The following TIPIN variants were observed in gnomAD, a reference collection of about 807,000 sequenced individuals.
The protein encoded by TIPIN is TIMELESS interacting protein, also known as TIMELESS-interacting protein.
A neutral mutation model predicts 35.6 loss-of-function variants in TIPIN; 29 were observed. The ratio of observed to expected loss-of-function variants is 0.82; its 90% CI spans 0.61 to 1.11. The LOEUF (loss-of-function observed/expected upper bound fraction) is 1.11. Ranked by LOEUF, TIPIN falls within the 50% of genes most tolerant of loss-of-function variation. The pLI is 0.00. For synonymous variants in TIPIN, 102 were observed against 121.5 expected (o/e 0.84, Z 1.06); for missense variants, 296 against 345.4 (o/e 0.86, Z 1.13).
intron 1 of TIPIN, among the ~76,000 whole-genome samples, chr15:66,365,307 A>G (rs2093249444): frequency 6.6e-6 from 1 of 151,748 alleles, no homozygotes; most frequent in Non-Finnish European, 1.5e-5. Flanking sequence ...TACATAATAC[A>G]TTCTAATACA....
chr15:66,352,197 A>G lies in TIPIN; in HGVS notation c.144T>C (p.Asn48=), dbSNP rs2093172887. The G allele has an allele frequency of 6.2e-7, 1 of 1,604,802 alleles. No homozygotes were observed. Among genetic ancestry groups the G allele is most frequent in the Non-Finnish European group, 8.5e-7 (1 of 1,176,596 alleles). Residue 48 remains asparagine (N), a synonymous_variant, in exon 3 of 8, where the codon AAT becomes AAC. Coordinates refer to ENST00000261881, the MANE Select transcript of TIPIN (RefSeq NM_017858.3). ...EGTEPDEESG[N]GAPVRVPPKR... ...TTGGAGGTACACGAACAGGTGCTCC[A>G]TTTCCTGACTCTGGTGAAACAAACC...
intron 1 of TIPIN, chr15:66,371,233 T>A (rs946534564): frequency 3.1e-6 from 3 of 983,100 alleles, no homozygotes; most frequent in Admixed American, 6.2e-5. Context: ...TGTAAGTGTA[T>A]CAAGCTTTCT....
In TIPIN at chr15:66,343,192, C is replaced by T. The variant is rs186913206; in HGVS notation, c.476-1836G>A. ...GTACAAGTGTTAGGTTAAAAAGATT[C>T]TACAAAATAACAAAATGCCTGTAGG... On this transcript the variant is annotated intron_variant, in intron 6 of 7. Coordinates refer to ENST00000261881, the MANE Select transcript of TIPIN (RefSeq NM_017858.3). 2.6e-5 allele frequency among the ~76,000 whole-genome samples: 4 copies of T among 152,138 alleles called. No individual in the cohort carries two copies. The East Asian group carries it at 7.7e-4, about 29-fold the overall frequency.
intron 1 of TIPIN, among the ~76,000 whole-genome samples, chr15:66,356,039 G>A (rs2093202251): frequency 6.6e-6 from 1 of 152,076 alleles, no homozygotes; most frequent in African/African-American, 2.4e-5. Context: ...TTATGAAATT[G>A]TCTGAACTTC....
At chr15:66,345,767 A>C (rs747045770) in intron 6 of TIPIN, among the ~76,000 whole-genome samples, 1 of 152,194 alleles carries the variant, frequency 6.6e-6, no homozygotes, top group Non-Finnish European at 1.5e-5. Context: ...GTATTTAATC[A>C]ACAAATAAAA....
chr15:66,362,504 T>C (rs1388746206), intron 1 of TIPIN, among the ~76,000 whole-genome samples: 1 of 151,824 alleles, frequency 6.6e-6, no homozygotes, highest in Non-Finnish European at 1.5e-5. Flanking sequence ...GCAGATCACT[T>C]GAGGTCTGGA....
At chr15:66,367,354 AC>A (rs2093260252) in intron 1 of TIPIN, among the ~76,000 whole-genome samples, 2 of 151,976 alleles carry the variant, frequency 1.3e-5, no homozygotes, top group African/African-American at 4.8e-5. Context: ...CAAACAACAG[AC>A]ACAAAAAGCA....
rs1243475957 is a variant in TIPIN at position 66,369,271 on chromosome 15, CA to C, written c.-8-16317del. Reference sequence around the variant, plus strand: ...AATTAAAGCAATCTGGCACATTGCACAGAAGAGATTCCTTGCTCCCTGGGAG... The same window carrying C: ...AATTAAAGCAATCTGGCACATTGCACGAAGAGATTCCTTGCTCCCTGGGAG... On this transcript the variant is annotated intron_variant, in intron 1 of 7. Coordinates refer to the TIPIN transcript ENST00000562124. Among the ~76,000 whole-genome samples the C allele has an allele frequency of 2.0e-5, 3 of 151,036 alleles. No homozygotes were observed. In the Admixed American group the frequency reaches 2.0e-4, roughly 10 times the overall value.
intron 6 of TIPIN, among the ~76,000 whole-genome samples, chr15:66,345,779 G>A (rs900614855): frequency 1.1e-4 from 17 of 151,756 alleles, no homozygotes; most frequent in Admixed American, 9.9e-4. Flanking sequence ...CAAATAAAAT[G>A]GTCAAAACAT....
intron 4 of TIPIN, among the ~76,000 whole-genome samples, chr15:66,350,934 G>A (rs1474438030): frequency 9.3e-6 from 1 of 107,514 alleles, no homozygotes; most frequent in Non-Finnish European, 1.8e-5. Context: ...GCAAGACTCC[G>A]TCTTAAAAAA....
At chr15:66,364,306 C>CA (rs2093244697) in intron 1 of TIPIN, among the ~76,000 whole-genome samples, 1 of 151,606 alleles carries the variant, frequency 6.6e-6, no homozygotes, top group African/African-American at 2.4e-5. Flanking sequence ...GCTGGGATTA[C>CA]AGATGGGCGC....
At chr15:66,339,131 C>CAAAAAAAAAAAAAAAAAAAA (rs35065958) in intron 7 of TIPIN, among the ~76,000 whole-genome samples, 1 of 20,582 alleles carries the variant, frequency 4.9e-5, no homozygotes, top group Non-Finnish European at 7.0e-5. Flanking sequence ...GACTCCATCT[C>CAAAAAAAAAAAAAAAAAAAA]AAAAAAAAAA....
At chr15:66,374,145 A>G (rs2093287535) in intron 1 of TIPIN, among the ~76,000 whole-genome samples, 1 of 152,064 alleles carries the variant, frequency 6.6e-6, no homozygotes, top group African/African-American at 2.4e-5. Flanking sequence ...TATGTTGCCC[A>G]GGCTAGCCTT....
chr15:66,371,789 T>A (rs568919606), intron 1 of TIPIN, among the ~76,000 whole-genome samples: 1 of 152,036 alleles, frequency 6.6e-6, no homozygotes, highest in East Asian at 1.9e-4. Context: ...AGTGCTGGGA[T>A]TACAGGCGTG....
intron 6 of TIPIN, among the ~76,000 whole-genome samples, chr15:66,344,460 T>C (rs1448582465): frequency 6.6e-6 from 1 of 152,046 alleles, no homozygotes; most frequent in Non-Finnish European, 1.5e-5. Context: ...CTACTTTTTA[T>C]GAACCAAGAA....
intron 1 of TIPIN, among the ~76,000 whole-genome samples, chr15:66,373,424 C>A (rs572591294): frequency 6.7e-6 from 1 of 149,748 alleles, no homozygotes; most frequent in Non-Finnish European, 1.5e-5. Context: ...ACCCGGGAGG[C>A]GGAGCTTGCA....
chr15:66,346,662 A>G (rs1296885881), intron 6 of TIPIN, among the ~76,000 whole-genome samples: 1 of 152,216 alleles, frequency 6.6e-6, no homozygotes, highest in East Asian at 1.9e-4. Context: ...CGGGCACCTC[A>G]AAAAGTAACC....
At chr15:66,357,349 C>A (rs1436790893), upstream of TIPIN, among the ~76,000 whole-genome samples, 1 of 152,108 alleles carries the variant, frequency 6.6e-6, no homozygotes, top group Non-Finnish European at 1.5e-5. Flanking sequence ...CAGAATGCTT[C>A]GAACTCAGAG....
intron 1 of TIPIN, chr15:66,379,383 C>G: frequency 6.3e-7 from 1 of 1,599,190 alleles, no homozygotes; most frequent in South Asian, 1.1e-5. Flanking sequence ...GACATAGATA[C>G]CATTCAAAAA....
Sources: allele counts gnomAD v4.1 joint callset (sites outside exome capture counted in the v4.1 genomes callset), GRCh38; gene constraint gnomAD v4.1.1; transcripts MANE v1.5; gene names NCBI Gene and HGNC (gene_info 2026-07-23, HGNC 2026-07-21).